ZNF778: variants seen among roughly 807,000 people sequenced by gnomAD.
The protein encoded by ZNF778 is zinc finger protein 778.
A neutral mutation model predicts 23.9 loss-of-function variants in ZNF778; 37 were observed. That is an observed-to-expected ratio of 1.54 (90% CI 1.19 to 2.03). The LOEUF (loss-of-function observed/expected upper bound fraction) is 2.03. Among genes scored for constraint, ZNF778 ranks in the 30% most tolerant of loss-of-function variants. ZNF778 has a pLI of 0.00. For missense variants in ZNF778, 1,297 were observed against 934.4 expected, an observed-to-expected ratio of 1.39 and a Z score of -5.06; for synonymous variants, 483 against 343.9, an observed-to-expected ratio of 1.40 and a Z score of -4.48.
At position 89,233,570 on chromosome 16, in the gene ZNF778, T is replaced by C; in HGVS notation, c.*5008T>C. 2 of 1,133,192 alleles carry C rather than the reference T, an allele frequency of 1.8e-6. No homozygotes were observed. The highest frequency in any genetic ancestry group is 2.3e-6 in the Non-Finnish European group (2 of 866,070). The allele number at this position is 1,133,192 out of a possible 1,614,324, so 70.2% of individuals were successfully genotyped here. On this transcript the variant is annotated 3_prime_UTR_variant, in exon 7 of 7. Coordinates refer to ENST00000433976, the MANE Select transcript of ZNF778 (RefSeq NM_001201407.2). ...CAACTCACTGCATATGCAACTCAGC[T>C]CGCACTGCATATGCAACGCAACTCA...
rs1216626669 is a variant in ZNF778, at chr16:89,229,902, G to C, written c.*1340G>C. 5.1e-6 allele frequency: 5 copies of C among 981,186 alleles called. No individual in the cohort carries two copies. In the African/African-American group the frequency reaches 8.9e-5, roughly 17 times the overall value. 60.8% of individuals were successfully genotyped at this position (981,186 alleles called of 1,614,324 possible). ...ATGTGATCCTGTGTGAGCAGCGTAG[G>C]CTCTGGTTGGTTAGTGTTGAGGATC... On this transcript the variant is annotated 3_prime_UTR_variant, in exon 7 of 7. Coordinates refer to ENST00000433976, the MANE Select transcript of ZNF778 (RefSeq NM_001201407.2).
chr16:89,226,336 G>A (rs1468046361), intron 6 of ZNF778, among the ~76,000 whole-genome samples: 1 of 152,076 alleles, frequency 6.6e-6, no homozygotes, highest in African/African-American at 2.4e-5. Context: ...CTCCTGAGTA[G>A]CTGGGATTAC....
At chr16:89,221,451 T>C (rs1212311849) in intron 2 of ZNF778, among the ~76,000 whole-genome samples, 1 of 152,196 alleles carries the variant, frequency 6.6e-6, no homozygotes, top group African/African-American at 2.4e-5. Flanking sequence ...ATGGGCGGCA[T>C]AGCTCACAAA....
Position 89,228,095 on chromosome 16 carries a change from A to G in ZNF778, c.1807A>G (p.Ser603Gly). 1.2e-6 allele frequency: 2 copies of G among 1,612,796 alleles called. No homozygotes were observed. Among genetic ancestry groups the G allele is most frequent in the Non-Finnish European group, 1.7e-6 (2 of 1,179,118 alleles). The change falls in exon 7 of 7, where the codon AGC becomes GGC. Residue 603 changes from serine (S) to glycine (G), a missense_variant. Transcript: ENST00000433976. ...TGGGAAAACATTCACTGTTTCTTCG[A>G]GCCTAACCGAGCACATACGAACTCA... ...DCGKTFTVSS[S>G]LTEHIRTHTG...
intron 2 of ZNF778, among the ~76,000 whole-genome samples, chr16:89,221,474 C>G (rs548767153): frequency 3.9e-5 from 6 of 152,272 alleles, no homozygotes; most frequent in African/African-American, 1.4e-4. Flanking sequence ...TTTTGTGTCA[C>G]CAGGCGAAAC....
rs895964739 is a variant in ZNF778 at position 89,233,889 on chromosome 16, C to T, written c.*5327C>T. ...CCACACCAAGCCAGTATTTCTCCTC[C>T]CTGAAGTCAGCCCAGGATGAGGCAC... On this transcript the variant is annotated 3_prime_UTR_variant, in exon 7 of 7. Transcript: ENST00000433976. 7.8e-6 allele frequency: 10 copies of T among 1,289,538 alleles called. No individual in the cohort carries two copies. Among genetic ancestry groups the T allele is most frequent in the Non-Finnish European group, 1.0e-5 (10 of 989,016 alleles). 79.9% of individuals were successfully genotyped at this position (1,289,538 alleles called of 1,614,324 possible). A position where few individuals can be genotyped will look rare whatever the true frequency, so the allele number is the denominator to read the frequency against.
Position 89,228,443 on chromosome 16 carries a change from C to T in ZNF778, c.2155C>T (p.His719Tyr), listed in dbSNP as rs751395523. The change falls in exon 7 of 7, where the codon CAT (histidine) becomes TAT (tyrosine). Residue 719 changes from histidine (H) to tyrosine (Y), a missense_variant. Physicochemically the swap from His to Tyr is moderately conservative, Grantham distance 83. Transcript: ENST00000433976. ...CAATAGGTTTTATCTACTAAAAGAACATTTAAAAACTTACACTGAAGAGCA... is the reference window on the plus strand; with the variant it reads ...CAATAGGTTTTATCTACTAAAAGAATATTTAAAAACTTACACTGAAGAGCA... ...AYNRFYLLKE[H>Y]LKTYTEEQVF... 4 of 1,613,888 alleles carry T rather than the reference C, an allele frequency of 2.5e-6. No homozygotes were observed. The highest frequency in any genetic ancestry group is 3.4e-6 in the Non-Finnish European group (4 of 1,179,850).
At position 89,227,159 on chromosome 16, in the gene ZNF778, A is replaced by G. The variant is rs1199549156; in HGVS notation, c.871A>G (p.Arg291Gly). 1 of 1,614,044 alleles carries G rather than the reference A, an allele frequency of 6.2e-7. No homozygotes were observed. The highest frequency in any genetic ancestry group is 1.1e-5 in the South Asian group (1 of 91,086). Reference protein sequence around the residue: ...HVCRECGKAFRYTAYLTGRVQ... With the variant: ...HVCRECGKAFGYTAYLTGRVQ... ...ATGTAGGGAATGTGGGAAGGCCTTT[A>G]GGTACACTGCCTACCTTACTGGTCG... is the stretch of plus-strand genomic sequence containing the variant. Residue 291 changes from arginine to glycine, a missense_variant, in exon 7 of 7, where the codon AGG becomes GGG. Transcript: ENST00000433976.
At position 89,232,818 on chromosome 16, in the gene ZNF778, A is replaced by G. The variant is rs761759522; in HGVS notation, c.*4256A>G. On this transcript the variant is annotated 3_prime_UTR_variant, in exon 7 of 7. Coordinates refer to ENST00000433976, the MANE Select transcript of ZNF778 (RefSeq NM_001201407.2). ...ATCAACTCACTGCATATGCAACTCA[A>G]CTCACACCGTATATGCAACTCAACT... 2.1e-5 allele frequency: 27 copies of G among 1,288,852 alleles called. No homozygotes were observed. Among genetic ancestry groups the G allele is most frequent in the East Asian group, 1.7e-4 (3 of 18,074 alleles). 79.8% of individuals were successfully genotyped at this position (1,288,852 alleles called of 1,614,324 possible). A position where few individuals can be genotyped will look rare whatever the true frequency, so the allele number is the denominator to read the frequency against.
Position 89,228,750 on chromosome 16 carries a change from T to A in ZNF778, c.*188T>A. Reference sequence around the variant, plus strand: ...CACAGAGAAAGCCCTCAGTGTTCTCTAAGGTCTTGCTGAATATGGATGGTA... The same window carrying A: ...CACAGAGAAAGCCCTCAGTGTTCTCAAAGGTCTTGCTGAATATGGATGGTA... On this transcript the variant is annotated 3_prime_UTR_variant, in exon 7 of 7. Transcript: ENST00000433976. 7.1e-7 allele frequency: 1 copy of A among 1,400,504 alleles called. No individual in the cohort carries two copies. Among genetic ancestry groups the A allele is most frequent in the Non-Finnish European group, 9.2e-7 (1 of 1,082,342 alleles). 86.8% of individuals were successfully genotyped at this position (1,400,504 alleles called of 1,614,324 possible). A position where few individuals can be genotyped will look rare whatever the true frequency, so the allele number is the denominator to read the frequency against.
At chr16:89,221,204 A>ACTGTGTGTAT in intron 2 of ZNF778, 52 bp downstream of exon 2, 1 of 1,443,982 alleles carries the variant, frequency 6.9e-7, no homozygotes, top group Non-Finnish European at 9.2e-7. Flanking sequence ...GTCCTGATAC[A>ACTGTGTGTAT]CAGTGTGTGT....
Position 89,226,654 on chromosome 16 carries a change from C to G in ZNF778, c.406-40C>G, listed in dbSNP as rs773453941. 5 of 1,540,230 alleles carry G rather than the reference C, an allele frequency of 3.2e-6. No individual in the cohort carries two copies. In the African/African-American group the frequency reaches 6.9e-5, roughly 21 times the overall value. ...AGCTGGGTGAGATCTATGAATCAGCCTCAGTAACCCCCTGACCACCACTCA... is the reference window on the plus strand; with the variant it reads ...AGCTGGGTGAGATCTATGAATCAGCGTCAGTAACCCCCTGACCACCACTCA... On this transcript the variant is annotated intron_variant, in intron 6 of 6. Transcript: ENST00000433976.
chr16:89,231,090 G>C lies in ZNF778; in HGVS notation c.*2528G>C, dbSNP rs2151639488. The C allele has an allele frequency of 6.6e-6, 1 of 152,480 alleles. No individual in the cohort carries two copies. The highest frequency in any genetic ancestry group is 2.1e-4 in the South Asian group (1 of 4,830). The allele number at this position is 152,480 out of a possible 1,614,324, so 9.4% of individuals were successfully genotyped here. On this transcript the variant is annotated 3_prime_UTR_variant, in exon 7 of 7. Coordinates refer to ENST00000433976, the MANE Select transcript of ZNF778 (RefSeq NM_001201407.2). ...CTTCATGTTACGTGTTTGTTGTGGAGAGGAGTGGGTTGTGCCATGTTTCTC... is the reference window on the plus strand; with the variant it reads ...CTTCATGTTACGTGTTTGTTGTGGACAGGAGTGGGTTGTGCCATGTTTCTC...
Position 89,222,114 on chromosome 16 carries a change from A to G in ZNF778, c.48A>G (p.Ser16=). The change falls in exon 3 of 7, where the codon TCA becomes TCG. Residue 16 remains serine, a synonymous_variant. Coordinates refer to ENST00000433976, the MANE Select transcript of ZNF778 (RefSeq NM_001201407.2). ...LAHGGHVSRD[S]VCLHEEQTQA... ...TAGGAGGTCATGTTTCTAGGGACTC[A>G]GTCTGCCTTCATGAAGAACAGACAC... is the stretch of plus-strand genomic sequence containing the variant. 6.2e-7 allele frequency: 1 copy of G among 1,602,974 alleles called. No homozygotes were observed. Among genetic ancestry groups the G allele is most frequent in the South Asian group, 1.1e-5 (1 of 90,054 alleles).
rs199645971 is a variant in ZNF778 at position 89,226,732 on chromosome 16, G to T, written c.444G>T (p.Thr148=). 6.2e-7 allele frequency: 1 copy of T among 1,613,642 alleles called. No homozygotes were observed. The highest frequency in any genetic ancestry group is 8.5e-7 in the Non-Finnish European group (1 of 1,179,650). ...ATGGAGGGCAGCTCTGTGACCGCAC[G>T]CAGTGTGGAGAAGCTTTCAGTGAAC... is the stretch of plus-strand genomic sequence containing the variant. ...SHNGGQLCDR[T]QCGEAFSEHS... The change falls in exon 7 of 7, where the codon ACG becomes ACT. Residue 148 remains threonine, a synonymous_variant. Coordinates refer to ENST00000433976, the MANE Select transcript of ZNF778 (RefSeq NM_001201407.2).
At chr16:89,225,238 C>T (rs1005832328) in intron 5 of ZNF778, among the ~76,000 whole-genome samples, 7 of 150,130 alleles carry the variant, frequency 4.7e-5, no homozygotes, top group Non-Finnish European at 1.0e-4. Context: ...GCCTCAGCCT[C>T]CTGAGTAGCT....
chr16:89,225,987 C>G (rs1417945392), intron 6 of ZNF778, among the ~76,000 whole-genome samples: 1 of 151,712 alleles, frequency 6.6e-6, no homozygotes. Context: ...TCTTGGCTCA[C>G]TGCAACCTCC....
intron 3 of ZNF778, among the ~76,000 whole-genome samples, chr16:89,222,671 T>G (rs1438051996): frequency 6.6e-6 from 1 of 152,224 alleles, no homozygotes; most frequent in South Asian, 2.1e-4. Context: ...GCCACAACAT[T>G]ACTCATTATT....
chr16:89,235,500 A>G lies in ZNF778; in HGVS notation c.*6938A>G, dbSNP rs1337990165. ...GCGTAGGCTTTAAGACAGAATCAACATGGAAAGCACGACCCACATGGTTTC... is the reference window on the plus strand; with the variant it reads ...GCGTAGGCTTTAAGACAGAATCAACGTGGAAAGCACGACCCACATGGTTTC... On this transcript the variant is annotated 3_prime_UTR_variant, in exon 7 of 7. Transcript: ENST00000433976. 3.3e-5 allele frequency: 5 copies of G among 152,214 alleles called. No homozygotes were observed. Among genetic ancestry groups the G allele is most frequent in the Non-Finnish European group, 7.3e-5 (5 of 68,048 alleles). 9.4% of individuals were successfully genotyped at this position (152,214 alleles called of 1,614,324 possible). A position where few individuals can be genotyped will look rare whatever the true frequency, so the allele number is the denominator to read the frequency against.
Sources: gnomAD v4.1 joint callset for allele counts (sites outside exome capture counted in the v4.1 genomes callset) on GRCh38, gnomAD v4.1.1 for gene constraint, MANE v1.5 for transcripts, NCBI Gene and HGNC (gene_info 2026-07-23, HGNC 2026-07-21) for gene names.